Variants in ZMYM4 observed in about 807,000 individuals in gnomAD.
ZMYM4 encodes zinc finger MYM-type containing 4.
Under a neutral mutation model 183.2 loss-of-function variants are expected in ZMYM4, and 31 were observed. The observed-to-expected ratio is 0.17, with a 90% CI of 0.13 to 0.23. ZMYM4 has a LOEUF of 0.23. ZMYM4 is among the 10% of genes least tolerant of loss of function. ZMYM4 has a pLI of 1.00. For synonymous variants in ZMYM4, 592 were observed against 631.2 expected, an observed-to-expected ratio of 0.94 and a Z score of 0.93; for missense variants, 1,273 against 1,840.3, an observed-to-expected ratio of 0.69 and a Z score of 5.64.
intron 1 of ZMYM4, among the ~76,000 whole-genome samples, chr1:35,306,943 A>C (rs745577717): frequency 2.6e-5 from 4 of 152,230 alleles, no homozygotes; most frequent in Non-Finnish European, 5.9e-5. Context: ...ATTTCCTGAT[A>C]AACTGAAAAG....
intron 2 of ZMYM4, among the ~76,000 whole-genome samples, chr1:35,340,660 A>T (rs1643167386): frequency 6.6e-6 from 1 of 152,038 alleles, no homozygotes; most frequent in Admixed American, 6.6e-5. Context: ...CTGCTCTCCT[A>T]TGAGAATTTA....
chr1:35,415,423 G>GC, intron 27 of ZMYM4, 43 bp from the exon 28 acceptor site: 1 of 1,609,800 alleles, frequency 6.2e-7, no homozygotes, highest in Non-Finnish European at 8.5e-7. Context: ...GTCTACTTTA[G>GC]CAGGAGCTCA....
intron 5 of ZMYM4, among the ~76,000 whole-genome samples, chr1:35,363,135 C>CCCT (rs1643983066): frequency 6.6e-6 from 1 of 152,154 alleles, no homozygotes; most frequent in South Asian, 2.1e-4. Context: ...TGTGCCACTG[C>CCCT]CCTCCGGCTT....
intron 2 of ZMYM4, among the ~76,000 whole-genome samples, chr1:35,350,048 C>T (rs924451758): frequency 2.0e-5 from 3 of 151,402 alleles, no homozygotes; most frequent in African/African-American, 7.3e-5. Flanking sequence ...CTGCAGCCTT[C>T]AACTCCTAGG....
At position 35,397,488 on chromosome 1, in the gene ZMYM4, C is replaced by T; in HGVS notation, c.3142C>T (p.Leu1048Phe). 1 of 1,613,332 alleles carries T rather than the reference C, an allele frequency of 6.2e-7. No homozygotes were observed. The highest frequency in any genetic ancestry group is 8.5e-7 in the Non-Finnish European group (1 of 1,179,642). Residue 1048 changes from leucine (L) to phenylalanine (F), a missense_variant, in exon 20 of 30, where the codon CTT becomes TTT. Transcript: ENST00000314607. ...CACACATCCATTTGAAGCTGATCTC[C>T]TTGAGATGGCAGAAATGATTGCAGA... is the stretch of plus-strand genomic sequence containing the variant. ...LPTHPFEADL[L>F]EMAEMIAEDE...
At position 35,410,454 on chromosome 1, in the gene ZMYM4, A is replaced by ATT. The variant is rs1639836771; in HGVS notation, c.3948+2296_3948+2297insTT. Among the ~76,000 whole-genome samples, 13 of 149,920 alleles carry ATT rather than the reference A, an allele frequency of 8.7e-5. No individual in the cohort carries two copies. In the South Asian group the frequency reaches 2.3e-3, roughly 27 times the overall value. On this transcript the variant is annotated intron_variant, in intron 26 of 29. Transcript: ENST00000314607. Reference sequence around the variant, plus strand: ...GTGTAGTGTACTTTGAATGACAAATATATATTTATTTATTTATTTATCTGT... The same window carrying ATT: ...GTGTAGTGTACTTTGAATGACAAATATTTATATTTATTTATTTATTTATCTGT...
intron 1 of ZMYM4, among the ~76,000 whole-genome samples, chr1:35,309,681 A>G (rs1269114504): frequency 6.6e-6 from 1 of 152,036 alleles, no homozygotes; most frequent in Non-Finnish European, 1.5e-5. Flanking sequence ...TGCGATCTCA[A>G]AATACTTTAT....
At chr1:35,413,362 T>C (rs1358813975) in intron 26 of ZMYM4, among the ~76,000 whole-genome samples, 10 of 152,192 alleles carry the variant, frequency 6.6e-5, no homozygotes, top group Admixed American at 6.6e-4. Flanking sequence ...GGTATTCTTT[T>C]TGTTCTAGCC....
chr1:35,322,681 CT>C (rs1285339976), intron 1 of ZMYM4, among the ~76,000 whole-genome samples: 1 of 151,424 alleles, frequency 6.6e-6, no homozygotes. Flanking sequence ...GTATAGACAA[CT>C]TTTTTTTTGT....
chr1:35,293,962 C>G (rs1289220985), intron 1 of ZMYM4, among the ~76,000 whole-genome samples: 1 of 152,032 alleles, frequency 6.6e-6, no homozygotes, highest in Non-Finnish European at 1.5e-5. Context: ...AGTGAAACCC[C>G]ATCTCTACTA....
intron 28 of ZMYM4, among the ~76,000 whole-genome samples, chr1:35,417,232 G>A (rs1230138889): frequency 2.8e-5 from 4 of 142,682 alleles, no homozygotes; most frequent in Admixed American, 7.2e-5. Context: ...GTGAGACCCT[G>A]TCTCCCAAAA....
intron 1 of ZMYM4, among the ~76,000 whole-genome samples, chr1:35,300,675 G>A (rs1304710431): frequency 1.3e-5 from 2 of 151,978 alleles, no homozygotes; most frequent in Non-Finnish European, 2.9e-5. Context: ...ATAATTTTCT[G>A]TTAGTTCCAT....
At chr1:35,284,818 G>A (rs1394464224) in intron 1 of ZMYM4, among the ~76,000 whole-genome samples, 3 of 152,054 alleles carry the variant, frequency 2.0e-5, no homozygotes, top group Non-Finnish European at 4.4e-5. Context: ...AAGCTTTCTG[G>A]TGTTTCTTCT....
At chr1:35,332,753 G>T (rs1642809266) in intron 2 of ZMYM4, among the ~76,000 whole-genome samples, 1 of 152,098 alleles carries the variant, frequency 6.6e-6, no homozygotes, top group African/African-American at 2.4e-5. Flanking sequence ...CTGTAGTGTA[G>T]TGACTATCAT....
At chr1:35,351,772 A>C (rs1643615827) in intron 2 of ZMYM4, among the ~76,000 whole-genome samples, 1 of 152,248 alleles carries the variant, frequency 6.6e-6, no homozygotes, top group Non-Finnish European at 1.5e-5. Context: ...TGAATTCCTT[A>C]GTTGGTGGTT....
At position 35,378,040 on chromosome 1, in the gene ZMYM4, G is replaced by A. The variant is rs148701179; in HGVS notation, c.1182-3219G>A. On this transcript the variant is annotated intron_variant, in intron 7 of 29. Coordinates refer to ENST00000314607, the MANE Select transcript of ZMYM4 (RefSeq NM_005095.3). ...CCAAAGTTCACAGCATCTGCACCAG[G>A]AGTAAATTCCATGACAAGAAATTAC... Among the ~76,000 whole-genome samples, 805 of 152,276 alleles carry A rather than the reference G, an allele frequency of 5.3e-3. 8 individuals carry two copies. The highest frequency in any genetic ancestry group is 0.01 in the Middle Eastern group (3 of 294).
chr1:35,299,724 A>G (rs1641186672), intron 1 of ZMYM4, among the ~76,000 whole-genome samples: 1 of 152,028 alleles, frequency 6.6e-6, no homozygotes, highest in Non-Finnish European at 1.5e-5. Context: ...TGAAGTTACA[A>G]AGTTACACTC....
At position 35,392,222 on chromosome 1, in the gene ZMYM4, C is replaced by T. The variant is rs143006808; in HGVS notation, c.2598C>T (p.Ser866=). The change falls in exon 16 of 30, where the codon TCC becomes TCT. Residue 866 remains serine, a synonymous_variant. Transcript: ENST00000314607. ...PPSQNNAANI[S]MVQAASAGPP... is the part of the protein sequence containing the mutation. The stretch of plus-strand genomic sequence containing the variant: ...GTTTATTTTAATCAGCAAATATTTC[C>T]ATGGTTCAAGCTGCTTCAGCAGGAC... 150 of 1,614,050 alleles carry T rather than the reference C, an allele frequency of 9.3e-5. 2 individuals are homozygous for T. In the African/African-American group the frequency reaches 1.7e-3, roughly 18 times the overall value.
At chr1:35,291,702 A>G (rs1419897576) in intron 1 of ZMYM4, among the ~76,000 whole-genome samples, 2 of 150,114 alleles carry the variant, frequency 1.3e-5, no homozygotes, top group East Asian at 3.9e-4. Context: ...CAATGGTGCA[A>G]TCTCAGCTCA....
Sources: allele counts gnomAD v4.1 joint callset (sites outside exome capture counted in the v4.1 genomes callset), GRCh38; gene constraint gnomAD v4.1.1; transcripts MANE v1.5; gene names NCBI Gene and HGNC (gene_info 2026-07-23, HGNC 2026-07-21).